The following SLC24A2 variants were observed in gnomAD, a reference collection of about 807,000 sequenced individuals.
SLC24A2 encodes the protein sodium/potassium/calcium exchanger 2.
In SLC24A2, 36 loss-of-function variants were observed where a neutral mutation model predicts 62.0. The ratio of observed to expected loss-of-function variants is 0.58; its 90% CI spans 0.44 to 0.77. The LOEUF (loss-of-function observed/expected upper bound fraction) is 0.77, where lower values mean the gene tolerates loss of function less well. Among genes scored for constraint, SLC24A2 ranks in the 30% least tolerant of loss-of-function variants. The pLI, the probability that SLC24A2 is intolerant of heterozygous loss-of-function variation, is 0.00. For synonymous variants in SLC24A2, 358 were observed against 294.0 expected (o/e 1.22, Z -2.23); for missense variants, 846 against 817.9 (o/e 1.03, Z -0.42).
the SLC24A2 span, among the ~76,000 whole-genome samples, chr9:20,000,368 G>A: frequency 8.5e-5 from 13 of 152,126 alleles, no homozygotes; most frequent in African/African-American, 3.1e-4. Flanking sequence ...TTTGACCTAG[G>A]CAGGTTGGAT....
the SLC24A2 span, among the ~76,000 whole-genome samples, chr9:20,060,116 A>T: frequency 6.6e-6 from 1 of 152,128 alleles, no homozygotes; most frequent in African/African-American, 2.4e-5. Context: ...AGAAATACAA[A>T]ATCAGAACAC....
At chr9:19,912,826 A>G in the SLC24A2 span, among the ~76,000 whole-genome samples, 5 of 152,012 alleles carry the variant, frequency 3.3e-5, no homozygotes, top group Admixed American at 2.6e-4. Flanking sequence ...TTATTTCTCT[A>G]TTTTGTCCCA....
chr9:19,834,912 A>G, the SLC24A2 span, among the ~76,000 whole-genome samples: 1 of 152,178 alleles, frequency 6.6e-6, no homozygotes, highest in Non-Finnish European at 1.5e-5. Context: ...GAGAGTGGAG[A>G]CCAATATTCA....
chr9:20,040,949 A>C, the SLC24A2 span, among the ~76,000 whole-genome samples: 1 of 152,200 alleles, frequency 6.6e-6, no homozygotes, highest in Non-Finnish European at 1.5e-5. Flanking sequence ...GGGAGACAGG[A>C]CCTGTGCACA....
the SLC24A2 span, among the ~76,000 whole-genome samples, chr9:20,029,381 G>C: frequency 6.6e-6 from 1 of 152,170 alleles, no homozygotes; most frequent in African/African-American, 2.4e-5. Context: ...GGATTTTCAT[G>C]GGCAAGGTGA....
chr9:20,022,893 A>G, the SLC24A2 span, among the ~76,000 whole-genome samples: 1 of 152,228 alleles, frequency 6.6e-6, no homozygotes, highest in South Asian at 2.1e-4. Context: ...GCATTATTCT[A>G]TGCATGTTCA....
At chr9:20,038,326 T>C in the SLC24A2 span, among the ~76,000 whole-genome samples, 7 of 152,180 alleles carry the variant, frequency 4.6e-5, no homozygotes, top group African/African-American at 1.7e-4. Flanking sequence ...CTAATAATAA[T>C]AGCTATTGCC....
chr9:19,719,775 C>A (rs1348184089), intron 2 of SLC24A2, among the ~76,000 whole-genome samples: 2 of 152,160 alleles, frequency 1.3e-5, no homozygotes, highest in African/African-American at 4.8e-5. Flanking sequence ...AGGTTTTTAT[C>A]TCATGTTTTT....
At chr9:20,136,612 G>C in the SLC24A2 span, among the ~76,000 whole-genome samples, 7 of 152,122 alleles carry the variant, frequency 4.6e-5, no homozygotes, top group Admixed American at 3.9e-4. Context: ...GTGAAAGATA[G>C]CCAAGGGAAT....
the SLC24A2 span, among the ~76,000 whole-genome samples, chr9:20,115,329 G>A: frequency 6.6e-6 from 1 of 152,058 alleles, no homozygotes; most frequent in Non-Finnish European, 1.5e-5. Context: ...GAGATTTCGG[G>A]CAGGAGATTG....
the SLC24A2 span, among the ~76,000 whole-genome samples, chr9:20,085,094 CAA>C: frequency 6.6e-6 from 1 of 152,182 alleles, no homozygotes; most frequent in Non-Finnish European, 1.5e-5. Context: ...CTCCTGGGCT[CAA>C]ACAGTACTCC....
At chr9:20,200,938 G>C in the SLC24A2 span, among the ~76,000 whole-genome samples, 1 of 152,272 alleles carries the variant, frequency 6.6e-6, no homozygotes, top group African/African-American at 2.4e-5. Context: ...TTATATTTGA[G>C]AACAGTTCTC....
the SLC24A2 span, chr9:19,896,008 C>T: frequency 4.5e-6 from 7 of 1,542,874 alleles, no homozygotes; most frequent in Non-Finnish European, 6.2e-6. Flanking sequence ...AGTGTGACGG[C>T]AGGGTCGTGG....
the SLC24A2 span, among the ~76,000 whole-genome samples, chr9:20,278,309 C>A: frequency 6.6e-6 from 1 of 152,080 alleles, no homozygotes; most frequent in Non-Finnish European, 1.5e-5. Context: ...AATTTTTGAA[C>A]TCTTATGCTC....
chr9:19,511,427 T>G lies in SLC24A2; in HGVS notation c.*4726A>C, dbSNP rs549221668. On this transcript the variant is annotated 3_prime_UTR_variant, in exon 11 of 11. Transcript: ENST00000341998. ...CTGTATATGGGCTCTTGTAATTGGCTAAACATAGCCTGATATTTGTTACTG... is the reference window on the plus strand; with the variant it reads ...CTGTATATGGGCTCTTGTAATTGGCGAAACATAGCCTGATATTTGTTACTG... 6.6e-6 allele frequency: 1 copy of G among 152,342 alleles called. No homozygotes were observed. Among genetic ancestry groups the G allele is most frequent in the South Asian group, 2.1e-4 (1 of 4,822 alleles). 9.4% of individuals were successfully genotyped at this position (152,342 alleles called of 1,614,324 possible). A position where few individuals can be genotyped will look rare whatever the true frequency, so the allele number is the denominator to read the frequency against.
At chr9:20,069,297 T>C in the SLC24A2 span, among the ~76,000 whole-genome samples, 547 of 152,320 alleles carry the variant, frequency 3.6e-3, 5 homozygotes, top group Non-Finnish European at 6.3e-3. Flanking sequence ...AATTTTCGCC[T>C]CCTATATTGA....
chr9:19,728,223 G>C (rs1408874492), intron 2 of SLC24A2, among the ~76,000 whole-genome samples: 1 of 151,432 alleles, frequency 6.6e-6, no homozygotes, highest in Admixed American at 6.6e-5. Context: ...TATCTCTTGG[G>C]TATTTAAGGT....
chr9:19,573,897 T>C (rs1835930695), intron 6 of SLC24A2, among the ~76,000 whole-genome samples: 1 of 152,184 alleles, frequency 6.6e-6, no homozygotes, highest in South Asian at 2.1e-4. Context: ...CTACATACTA[T>C]TGTTTACACC....
chr9:20,054,712 T>C, the SLC24A2 span, among the ~76,000 whole-genome samples: 1 of 152,220 alleles, frequency 6.6e-6, no homozygotes, highest in African/African-American at 2.4e-5. Context: ...AGGGTAAAGC[T>C]GTGTGAATGC....
Sources: allele counts gnomAD v4.1 joint callset (sites outside exome capture counted in the v4.1 genomes callset), GRCh38; gene constraint gnomAD v4.1.1; transcripts MANE v1.5; gene names NCBI Gene and HGNC (gene_info 2026-07-23, HGNC 2026-07-21).